The following PTPN20 variants were observed in gnomAD, a reference collection of about 807,000 sequenced individuals.
PTPN20 encodes the protein tyrosine-protein phosphatase non-receptor type 20.
PTPN20 carries 9 observed loss-of-function variants against 35.0 expected under a neutral mutation model. The ratio of observed to expected loss-of-function variants is 0.26; its 90% confidence interval spans 0.15 to 0.45. The LOEUF is 0.45. PTPN20 is among the 20% of genes least tolerant of loss of function. PTPN20 has a pLI of 1.00. For missense variants in PTPN20, 111 were observed against 312.5 expected (o/e 0.36, Z 4.86); for synonymous variants, 32 against 100.2 (o/e 0.32, Z 4.06).
intron 7 of PTPN20, among the ~76,000 whole-genome samples, chr10:46,980,996 T>G (rs1437156145): frequency 3.4e-4 from 49 of 146,224 alleles, no homozygotes; most frequent in African/African-American, 1.1e-3. Context: ...GTTTTTTTGT[T>G]TTTTGCTTGG....
chr10:46,939,617 T>C (rs1312270839), intron 2 of PTPN20, among the ~76,000 whole-genome samples: 2 of 150,282 alleles, frequency 1.3e-5, no homozygotes, highest in Admixed American at 1.3e-4. Flanking sequence ...GTAGTTTCTC[T>C]GGGTTTCCTC....
chr10:46,968,542 G>A (rs554452823), intron 7 of PTPN20, among the ~76,000 whole-genome samples: 258 of 152,244 alleles, frequency 1.7e-3, no homozygotes, highest in African/African-American at 5.9e-3. Flanking sequence ...TTGGATGGGA[G>A]GGTAGTGGCA....
At chr10:47,000,039 T>A in intron 10 of PTPN20, 65 bp downstream of exon 10, 2 of 1,598,660 alleles carry the variant, frequency 1.3e-6, no homozygotes, top group Non-Finnish European at 1.7e-6. Flanking sequence ...TGCATAACAC[T>A]TTACCACTTA....
At chr10:46,920,420 T>C (rs2034684445) in intron 1 of PTPN20, among the ~76,000 whole-genome samples, 1 of 145,120 alleles carries the variant, frequency 6.9e-6, no homozygotes, top group Non-Finnish European at 1.5e-5. Flanking sequence ...TGGGCAGAAA[T>C]GTGTTCGTGT....
chr10:46,928,006 CTAA>C, intron 1 of PTPN20, among the ~76,000 whole-genome samples: 1 of 151,220 alleles, frequency 6.6e-6, no homozygotes, highest in Admixed American at 6.6e-5. Context: ...GCCTTGCACC[CTAA>C]TAGCAGAGGC....
intron 1 of PTPN20, among the ~76,000 whole-genome samples, chr10:46,928,461 C>G (rs2038436157): frequency 6.6e-6 from 1 of 152,078 alleles, no homozygotes; most frequent in Admixed American, 6.5e-5. Flanking sequence ...TTTCCTTCTT[C>G]CTTCCCAATA....
chr10:46,994,882 T>A (rs2058765100), intron 9 of PTPN20, among the ~76,000 whole-genome samples: 1 of 152,192 alleles, frequency 6.6e-6, no homozygotes, highest in South Asian at 2.1e-4. Context: ...TTCCTCTGCT[T>A]GATTCATTCT....
chr10:46,954,025 T>C (rs1286619911), intron 5 of PTPN20, among the ~76,000 whole-genome samples: 2 of 118,846 alleles, frequency 1.7e-5, no homozygotes, highest in Non-Finnish European at 3.4e-5. Context: ...AATTCACCAG[T>C]GAGGCCAACT....
chr10:46,950,972 T>C (rs1396723764), intron 5 of PTPN20, among the ~76,000 whole-genome samples: 2 of 147,994 alleles, frequency 1.4e-5, no homozygotes, highest in East Asian at 3.9e-4. Context: ...AATACCATAA[T>C]ATATTCACCC....
intron 3 of PTPN20, among the ~76,000 whole-genome samples, chr10:46,941,656 C>T: frequency 6.7e-6 from 1 of 149,328 alleles, no homozygotes; most frequent in Non-Finnish European, 1.5e-5. Flanking sequence ...TAGAACTGAG[C>T]ACATTTTGTG....
intron 1 of PTPN20, among the ~76,000 whole-genome samples, chr10:46,929,438 A>T (rs1381434482): frequency 4.6e-5 from 7 of 151,476 alleles, no homozygotes. Context: ...GTCCCTCAAT[A>T]TCTTTCACAA....
intron 1 of PTPN20, among the ~76,000 whole-genome samples, chr10:46,929,276 C>A (rs2132961954): frequency 7.8e-6 from 1 of 128,350 alleles, no homozygotes; most frequent in Admixed American, 8.0e-5. Context: ...CATATTGGAG[C>A]TTTTGTTCCT....
chr10:46,945,591 G>C (rs1393101794), intron 4 of PTPN20, among the ~76,000 whole-genome samples: 4 of 152,190 alleles, frequency 2.6e-5, no homozygotes, highest in Non-Finnish European at 4.4e-5. Flanking sequence ...TCCTGATATT[G>C]GTGGGCAGGT....
chr10:46,992,176 G>T (rs1249370133), intron 9 of PTPN20, among the ~76,000 whole-genome samples: 2 of 147,934 alleles, frequency 1.4e-5, no homozygotes, highest in East Asian at 4.0e-4. Context: ...AGGCTGGAGT[G>T]CAGTGGCGTG....
At chr10:46,939,454 G>C (rs1334191481) in intron 2 of PTPN20, among the ~76,000 whole-genome samples, 3 of 129,316 alleles carry the variant, frequency 2.3e-5, no homozygotes, top group Admixed American at 7.8e-5. Context: ...CATTTTTAAT[G>C]TTATTTGTGC....
Position 46,949,298 on chromosome 10 carries a change from T to C in PTPN20, c.340+2623T>C, listed in dbSNP as rs1453189746. 1.5e-3 allele frequency among the ~76,000 whole-genome samples: 229 copies of C among 152,336 alleles called. 1 individual carries two copies. Among genetic ancestry groups the C allele is most frequent in the African/African-American group, 5.4e-3 (226 of 41,558 alleles). ...TGTGAATGTGTGCAAGTTCTTTTTGTGTCTGTGGCTTTACGCTGTTCTGTA... is the reference window on the plus strand; with the variant it reads ...TGTGAATGTGTGCAAGTTCTTTTTGCGTCTGTGGCTTTACGCTGTTCTGTA... On this transcript the variant is annotated intron_variant, in intron 5 of 10. Transcript: ENST00000374339.
intron 7 of PTPN20, among the ~76,000 whole-genome samples, chr10:46,972,429 A>C (rs1274324265): frequency 4.4e-5 from 6 of 136,500 alleles, no homozygotes; most frequent in Non-Finnish European, 6.4e-5. Context: ...GTTTCTAATA[A>C]AGTTAAACAT....
chr10:46,928,030 CAG>C (rs1565424151), intron 1 of PTPN20, among the ~76,000 whole-genome samples: 2 of 149,022 alleles, frequency 1.3e-5, no homozygotes, highest in South Asian at 4.2e-4. Context: ...ATCCAGATAA[CAG>C]AGTCATTTCA....
chr10:46,988,179 T>A (rs1414481502), intron 9 of PTPN20, among the ~76,000 whole-genome samples: 7 of 150,624 alleles, frequency 4.6e-5, no homozygotes, highest in Admixed American at 4.6e-4. Flanking sequence ...ATATTTCCTT[T>A]ATGATTATTT....
Sources: allele counts gnomAD v4.1 joint callset (sites outside exome capture counted in the v4.1 genomes callset), GRCh38; gene constraint gnomAD v4.1.1; transcripts MANE v1.5; gene names NCBI Gene and HGNC (gene_info 2026-07-23, HGNC 2026-07-21).